The following ENTREP2 variants were observed in gnomAD, a reference collection of about 807,000 sequenced individuals.
The protein encoded by ENTREP2 is protein ENTREP2.
At chr15:29,134,449 T>C in the ENTREP2 span, among the ~76,000 whole-genome samples, 13 of 152,262 alleles carry the variant, frequency 8.5e-5, no homozygotes, top group East Asian at 1.7e-3. Flanking sequence ...TTGGGGACTG[T>C]CTGCTTGTGT....
chr15:29,564,614 C>T, the ENTREP2 span, among the ~76,000 whole-genome samples: 2 of 152,194 alleles, frequency 1.3e-5, no homozygotes, highest in African/African-American at 4.8e-5. Context: ...AGCCCCTTTC[C>T]AGTTTTGCCA....
chr15:29,607,304 C>CTT, the ENTREP2 span, among the ~76,000 whole-genome samples: 1,830 of 131,754 alleles, frequency 0.014, 59 homozygotes, highest in African/African-American at 0.05. Flanking sequence ...CTCTTCATTT[C>CTT]TTTTTTTTTT....
chr15:29,624,266 T>C, the ENTREP2 span, among the ~76,000 whole-genome samples: 1 of 152,216 alleles, frequency 6.6e-6, no homozygotes. Flanking sequence ...AACTTTGTGA[T>C]ACCAGAAAAT....
At chr15:29,489,297 G>C in the ENTREP2 span, among the ~76,000 whole-genome samples, 1 of 152,118 alleles carries the variant, frequency 6.6e-6, no homozygotes, top group African/African-American at 2.4e-5. Context: ...AAGATAATAT[G>C]CTAACTGGGT....
At chr15:29,651,193 T>C in the ENTREP2 span, among the ~76,000 whole-genome samples, 1,202 of 152,296 alleles carry the variant, frequency 7.9e-3, 26 homozygotes, top group Non-Finnish European at 6.8e-3. Flanking sequence ...TCGTAATTGA[T>C]TGGAGCTTGC....
At chr15:29,387,116 T>G in the ENTREP2 span, among the ~76,000 whole-genome samples, 3 of 152,186 alleles carry the variant, frequency 2.0e-5, no homozygotes, top group Non-Finnish European at 4.4e-5. Context: ...GCCCATTCAG[T>G]ATGATATTGG....
At chr15:29,271,643 C>T in the ENTREP2 span, among the ~76,000 whole-genome samples, 1 of 152,038 alleles carries the variant, frequency 6.6e-6, no homozygotes, top group Non-Finnish European at 1.5e-5. Flanking sequence ...CTCTGACCAC[C>T]GGTGCATGTA....
chr15:29,659,330 G>A, the ENTREP2 span, among the ~76,000 whole-genome samples: 2 of 152,248 alleles, frequency 1.3e-5, no homozygotes, highest in African/African-American at 2.4e-5. Flanking sequence ...AATTAGCCAG[G>A]TGTGGTGGCA....
chr15:29,425,929 A>G, the ENTREP2 span, among the ~76,000 whole-genome samples: 1 of 151,488 alleles, frequency 6.6e-6, no homozygotes, highest in Non-Finnish European at 1.5e-5. Flanking sequence ...TTAATTGCTT[A>G]CTTCTGCAGT....
the ENTREP2 span, among the ~76,000 whole-genome samples, chr15:29,432,331 G>A: frequency 0.46 from 69,565 of 151,966 alleles, 17,023 homozygotes; most frequent in African/African-American, 0.64. Context: ...TGCCCCGCAC[G>A]CCTGCCATGT....
the ENTREP2 span, among the ~76,000 whole-genome samples, chr15:29,133,167 C>T: frequency 6.6e-6 from 1 of 152,168 alleles, no homozygotes; most frequent in African/African-American, 2.4e-5. Flanking sequence ...CTGCCATCCC[C>T]AGTATCTAGG....
At chr15:29,127,201 C>CG in the ENTREP2 span, among the ~76,000 whole-genome samples, 1 of 152,142 alleles carries the variant, frequency 6.6e-6, no homozygotes, top group African/African-American at 2.4e-5. Context: ...AACCACTCTA[C>CG]GGGGGCTGGA....
At chr15:29,212,598 T>C in the ENTREP2 span, among the ~76,000 whole-genome samples, 1 of 152,246 alleles carries the variant, frequency 6.6e-6, no homozygotes, top group Non-Finnish European at 1.5e-5. Context: ...TTGTGCTCTT[T>C]CAGTCTTTTT....
chr15:29,176,782 T>C, the ENTREP2 span, among the ~76,000 whole-genome samples: 1 of 152,222 alleles, frequency 6.6e-6, no homozygotes, highest in East Asian at 1.9e-4. Context: ...ATCTTCCAAA[T>C]ATTTACCAAG....
the ENTREP2 span, among the ~76,000 whole-genome samples, chr15:29,207,052 C>A: frequency 6.6e-6 from 1 of 152,132 alleles, no homozygotes; most frequent in Non-Finnish European, 1.5e-5. Context: ...TGGCTCAAAG[C>A]TACTCGCCAA....
the ENTREP2 span, among the ~76,000 whole-genome samples, chr15:29,551,830 A>G: frequency 2.0e-5 from 3 of 152,232 alleles, no homozygotes; most frequent in African/African-American, 7.2e-5. Flanking sequence ...GCAAGTAAAC[A>G]AAACCCTGAA....
At chr15:29,273,953 C>G in the ENTREP2 span, among the ~76,000 whole-genome samples, 1 of 152,156 alleles carries the variant, frequency 6.6e-6, no homozygotes, top group Non-Finnish European at 1.5e-5. Context: ...TTGCAGATGG[C>G]CTATTGTGGG....
chr15:29,393,058 CTA>C, the ENTREP2 span, among the ~76,000 whole-genome samples: 4 of 152,210 alleles, frequency 2.6e-5, no homozygotes, highest in Non-Finnish European at 5.9e-5. Context: ...GTGTGCTCAT[CTA>C]TATGACTGTG....
chr15:29,630,983 T>TA, the ENTREP2 span, among the ~76,000 whole-genome samples: 1 of 152,220 alleles, frequency 6.6e-6, no homozygotes, highest in Non-Finnish European at 1.5e-5. Context: ...TTATTTAGAT[T>TA]GAGTAAATTT....
Sources: allele counts gnomAD v4.1 joint callset (sites outside exome capture counted in the v4.1 genomes callset), GRCh38; gene constraint gnomAD v4.1.1; transcripts MANE v1.5; gene names NCBI Gene and HGNC (gene_info 2026-07-23, HGNC 2026-07-21).